The following TGFB2 variants were observed in gnomAD, a reference collection of about 807,000 sequenced individuals.
TGFB2 encodes the protein transforming growth factor beta 2.
TGFB2 carries 13 observed loss-of-function variants against 42.7 expected under a neutral mutation model. The ratio of observed to expected loss-of-function variants is 0.30; its 90% confidence interval spans 0.20 to 0.48. TGFB2 has a LOEUF of 0.48. Among genes scored for constraint, TGFB2 ranks in the 20% least tolerant of loss-of-function variants. The pLI, the probability that TGFB2 is intolerant of heterozygous loss-of-function variation, is 0.99. For synonymous variants in TGFB2, 193 were observed against 193.6 expected (o/e 1.00, Z 0.03); for missense variants, 390 against 517.5 (o/e 0.75, Z 2.39).
chr1:218,401,996 G>C lies in TGFB2; in HGVS notation c.347-3173G>C, dbSNP rs150560529. On this transcript the variant is annotated intron_variant, in intron 1 of 6. Coordinates refer to ENST00000366930, the MANE Select transcript of TGFB2 (RefSeq NM_003238.6). ...GTTGCTCATGTTCCTCAGCCAGCCAGGGGGCTTGTGACCCAGAGCAGATGA... is the reference window on the plus strand; with the variant it reads ...GTTGCTCATGTTCCTCAGCCAGCCACGGGGCTTGTGACCCAGAGCAGATGA... Among the ~76,000 whole-genome samples the C allele has an allele frequency of 7.5e-4, 114 of 152,324 alleles. 1 individual carries two copies. Among genetic ancestry groups the C allele is most frequent in the Non-Finnish European group, 1.4e-3 (95 of 68,020 alleles).
intron 1 of TGFB2, among the ~76,000 whole-genome samples, chr1:218,400,692 G>A (rs1377599106): frequency 1.3e-5 from 2 of 152,212 alleles, no homozygotes; most frequent in East Asian, 3.9e-4. Flanking sequence ...AGGAGTGGGT[G>A]AGAGACGTGC....
At chr1:218,365,906 T>C (rs944768541) in intron 1 of TGFB2, among the ~76,000 whole-genome samples, 1 of 152,190 alleles carries the variant, frequency 6.6e-6, no homozygotes, top group African/African-American at 2.4e-5. Flanking sequence ...GCGTGAGGCC[T>C]GTGGCGCCTC....
At chr1:218,423,602 T>A (rs887212082) in intron 2 of TGFB2, among the ~76,000 whole-genome samples, 2 of 152,142 alleles carry the variant, frequency 1.3e-5, no homozygotes, top group African/African-American at 4.8e-5. Context: ...AAGTTTGGAG[T>A]ATATAATCCA....
chr1:218,346,470 T>C lies in TGFB2; in HGVS notation c.-232T>C, dbSNP rs1029367719. ...CCAAAGTCAGGGTTCCCTCTGCCCGTCCCGTATTAATATTTCCACTTTTGG... is the reference window on the plus strand; with the variant it reads ...CCAAAGTCAGGGTTCCCTCTGCCCGCCCCGTATTAATATTTCCACTTTTGG... On this transcript the variant is annotated 5_prime_UTR_variant, in exon 1 of 7. Transcript: ENST00000366930. The surrounding 1 kb of genome is among the most constrained non-coding windows in gnomAD (Gnocchi z 4.9). 3 of 461,588 alleles carry C rather than the reference T, an allele frequency of 6.5e-6. No homozygotes were observed. The highest frequency in any genetic ancestry group is 2.1e-5 in the African/African-American group (1 of 48,706). The allele number at this position is 461,588 out of a possible 1,614,324, so 28.6% of individuals were successfully genotyped here.
At chr1:218,423,751 GTT>G (rs1359190237) in intron 2 of TGFB2, among the ~76,000 whole-genome samples, 1 of 152,178 alleles carries the variant, frequency 6.6e-6, no homozygotes, top group African/African-American at 2.4e-5. Context: ...GCCTCTGAAA[GTT>G]TTTGACAAGG....
chr1:218,367,839 C>T (rs184520973), intron 1 of TGFB2, among the ~76,000 whole-genome samples: 1 of 152,096 alleles, frequency 6.6e-6, no homozygotes, highest in Non-Finnish European at 1.5e-5. Flanking sequence ...GCTCCTCGCT[C>T]TGTCACCAGG....
chr1:218,405,285 C>A lies in TGFB2; in HGVS notation c.463C>A (p.Gln155Lys), dbSNP rs1425658948. Residue 155 changes from glutamine (Q) to lysine (K), a missense_variant, in exon 2 of 7, where the codon CAG becomes AAG. Gln to Lys is a moderately conservative substitution (Grantham distance 53, BLOSUM62 1). Transcript: ENST00000366930. ...AGCAGAGTTCAGAGTCTTTCGTTTG[C>A]AGAACCCAAAAGCCAGAGTGCCTGA... is the stretch of plus-strand genomic sequence containing the variant. The part of the protein sequence containing the change: ...VKAEFRVFRL[Q>K]NPKARVPEQR... The A allele has an allele frequency of 2.5e-6, 4 of 1,614,076 alleles. No homozygotes were observed. In the East Asian group the frequency reaches 8.9e-5, roughly 36 times the overall value.
chr1:218,372,949 G>A (rs1657617561), intron 1 of TGFB2, among the ~76,000 whole-genome samples: 1 of 152,248 alleles, frequency 6.6e-6, no homozygotes, highest in African/African-American at 2.4e-5. Context: ...GACTGAGGTG[G>A]GCGGATCACC....
chr1:218,403,461 G>C (rs1246599507), intron 1 of TGFB2, among the ~76,000 whole-genome samples: 1 of 152,178 alleles, frequency 6.6e-6, no homozygotes, highest in Non-Finnish European at 1.5e-5. Flanking sequence ...TTTTTCTTCA[G>C]TGTAATCGTC....
chr1:218,437,248 G>T, intron 5 of TGFB2, 95 bp from the exon 6 acceptor site: 2 of 1,213,632 alleles, frequency 1.6e-6, no homozygotes, highest in Non-Finnish European at 2.3e-6. Context: ...ATAAATGAAT[G>T]AATCATTTTT....
At chr1:218,423,175 G>C (rs146441503) in intron 2 of TGFB2, among the ~76,000 whole-genome samples, 1 of 152,082 alleles carries the variant, frequency 6.6e-6, no homozygotes, top group Non-Finnish European at 1.5e-5. Context: ...TTAATAACAC[G>C]GTTTTGACCT....
chr1:218,389,664 T>C (rs997719312), intron 1 of TGFB2, among the ~76,000 whole-genome samples: 34 of 152,226 alleles, frequency 2.2e-4, no homozygotes, highest in African/African-American at 7.0e-4. Flanking sequence ...ACAGTGTATA[T>C]GGGTGCTTAT....
chr1:218,418,529 T>G (rs1659352976), intron 2 of TGFB2, among the ~76,000 whole-genome samples: 2 of 152,200 alleles, frequency 1.3e-5, no homozygotes, highest in African/African-American at 4.8e-5. Context: ...TTTGAGTTAA[T>G]GCTGAAATGA....
intron 6 of TGFB2, among the ~76,000 whole-genome samples, chr1:218,438,252 T>C (rs532305996): frequency 3.3e-4 from 50 of 152,178 alleles, no homozygotes; most frequent in African/African-American, 1.1e-3. Flanking sequence ...ATATGTCACA[T>C]AGTATCATAT....
chr1:218,379,487 C>T (rs902244484), intron 1 of TGFB2, among the ~76,000 whole-genome samples: 23 of 133,398 alleles, frequency 1.7e-4, no homozygotes, highest in South Asian at 2.4e-4. Context: ...TTCTTTCTTT[C>T]TTTTTTTTTT....
At chr1:218,377,074 A>T (rs12094284) in intron 1 of TGFB2, among the ~76,000 whole-genome samples, 5,984 of 151,706 alleles carry the variant, frequency 0.039, 264 homozygotes, top group African/African-American at 0.11. Context: ...AAAAAAAAAA[A>T]TTTTTATAGA....
intron 1 of TGFB2, among the ~76,000 whole-genome samples, chr1:218,403,466 A>C (rs1261829158): frequency 6.6e-6 from 1 of 152,172 alleles, no homozygotes; most frequent in Admixed American, 6.5e-5. Flanking sequence ...CTTCAGTGTA[A>C]TCGTCAGGGC....
chr1:218,363,968 T>C (rs12078363), intron 1 of TGFB2, among the ~76,000 whole-genome samples: 57,362 of 151,966 alleles, frequency 0.38, 11,386 homozygotes, highest in African/African-American at 0.51. Context: ...AATTTGTAAA[T>C]TTTCTTAAAA....
chr1:218,372,820 A>G (rs906769338), intron 1 of TGFB2, among the ~76,000 whole-genome samples: 1 of 152,198 alleles, frequency 6.6e-6, no homozygotes, highest in Non-Finnish European at 1.5e-5. Context: ...TACTCAGGCC[A>G]GAGTCCAACT....
Sources: allele counts gnomAD v4.1 joint callset (sites outside exome capture counted in the v4.1 genomes callset), GRCh38; gene constraint gnomAD v4.1.1; non-coding constraint Gnocchi (gnomAD v3.1); transcripts MANE v1.5; gene names NCBI Gene and HGNC (gene_info 2026-07-23, HGNC 2026-07-21).